Variants in XPR1 observed in about 807,000 individuals in gnomAD.
XPR1 encodes solute carrier family 53 member 1.
In XPR1, 28 loss-of-function variants were observed where a neutral mutation model predicts 87.5. The observed-to-expected ratio is 0.32, with a 90% CI of 0.24 to 0.44. The LOEUF (loss-of-function observed/expected upper bound fraction) is 0.44, where lower values mean the gene tolerates loss of function less well. Among genes scored for constraint, XPR1 ranks in the 20% least tolerant of loss-of-function variants. The probability of loss-of-function intolerance (pLI) is 1.00; values close to 1 mark genes in which losing one functional copy is unlikely to be tolerated. For synonymous variants in XPR1, 300 were observed against 306.1 expected (o/e 0.98, Z 0.21); for missense variants, 559 against 862.3 (o/e 0.65, Z 4.41).
chr1:180,712,892 T>C (rs559780111), intron 2 of XPR1, among the ~76,000 whole-genome samples: 1 of 151,560 alleles, frequency 6.6e-6, no homozygotes, highest in Admixed American at 6.6e-5. Context: ...ACTATAGCTT[T>C]AGTAATAGTC....
chr1:180,733,479 G>A (rs1178237083), intron 2 of XPR1, among the ~76,000 whole-genome samples: 1 of 152,180 alleles, frequency 6.6e-6, no homozygotes, highest in East Asian at 1.9e-4. Flanking sequence ...GATACAGAGG[G>A]TAAAAAGCAC....
At chr1:180,806,237 C>A in intron 5 of XPR1, 26 bp downstream of exon 5, 15 of 1,602,160 alleles carry the variant, frequency 9.4e-6, no homozygotes, top group Non-Finnish European at 1.2e-5. Flanking sequence ...TTATTTACAA[C>A]GTATTTTCAG....
At chr1:180,858,334 A>G (rs1652102518) in intron 11 of XPR1, among the ~76,000 whole-genome samples, 2 of 152,356 alleles carry the variant, frequency 1.3e-5, no homozygotes, top group Non-Finnish European at 2.9e-5. Flanking sequence ...TACTTCCCTC[A>G]TCTGAGATAA....
At chr1:180,856,038 C>G (rs1652016973) in intron 11 of XPR1, among the ~76,000 whole-genome samples, 2 of 152,124 alleles carry the variant, frequency 1.3e-5, no homozygotes, top group African/African-American at 4.8e-5. Context: ...TAAGAGTCCC[C>G]TACTCTAAAA....
At chr1:180,714,595 G>C (rs1371654065) in intron 2 of XPR1, among the ~76,000 whole-genome samples, 1 of 152,006 alleles carries the variant, frequency 6.6e-6, no homozygotes, top group Non-Finnish European at 1.5e-5. Context: ...TGTAGAGACA[G>C]GGTCTCACTA....
In XPR1 at chr1:180,835,010, A is replaced by G. The variant is rs1651229688; in HGVS notation, c.1271A>G (p.Asp424Gly). The G allele has an allele frequency of 9.3e-6, 15 of 1,614,004 alleles. No individual in the cohort carries two copies. Among genetic ancestry groups the G allele is most frequent in the African/African-American group, 1.3e-5 (1 of 74,916 alleles). The change falls in exon 10 of 15, where the codon GAT becomes GGT. Residue 424 changes from aspartate (D) to glycine (G), a missense_variant. Physicochemically the swap from Asp to Gly is moderately conservative, Grantham distance 94. Coordinates refer to ENST00000367590, the MANE Select transcript of XPR1 (RefSeq NM_004736.4). ...ICFYSLELKW[D>G]ESKGLLPNNS... ...TTCTACAGTTTGGAGCTCAAATGGG[A>G]TGAAAGTAAGGGCCTGTTGCCAAAT...
intron 7 of XPR1, among the ~76,000 whole-genome samples, chr1:180,814,565 G>C (rs559016294): frequency 6.6e-6 from 1 of 152,140 alleles, no homozygotes; most frequent in South Asian, 2.1e-4. Context: ...AAATTTGCAG[G>C]GTTGTTTAGG....
intron 13 of XPR1, among the ~76,000 whole-genome samples, chr1:180,876,364 G>A (rs987290830): frequency 7.2e-5 from 11 of 152,176 alleles, no homozygotes; most frequent in Admixed American, 1.3e-4. Flanking sequence ...GGCCAGGCAC[G>A]GTGGTTCACA....
At chr1:180,797,472 C>T (rs1649629603) in intron 3 of XPR1, among the ~76,000 whole-genome samples, 1 of 152,182 alleles carries the variant, frequency 6.6e-6, no homozygotes, top group Non-Finnish European at 1.5e-5. Flanking sequence ...ATTGTTGGCA[C>T]ACAGGAAGTA....
intron 11 of XPR1, among the ~76,000 whole-genome samples, chr1:180,842,638 C>T (rs1426809021): frequency 3.9e-5 from 6 of 152,072 alleles, no homozygotes; most frequent in Non-Finnish European, 8.8e-5. Flanking sequence ...GAGGCACAAA[C>T]GTGTTTTAAA....
intron 2 of XPR1, among the ~76,000 whole-genome samples, chr1:180,696,165 G>GGTGT (rs59249501): frequency 0.016 from 1,696 of 102,810 alleles, 28 homozygotes; most frequent in African/African-American, 0.023. Flanking sequence ...TTTATTCCTG[G>GGTGT]GTGTGTGTGT....
chr1:180,720,107 G>C (rs1658132327), intron 2 of XPR1, among the ~76,000 whole-genome samples: 1 of 152,190 alleles, frequency 6.6e-6, no homozygotes, highest in South Asian at 2.1e-4. Context: ...GAAAAGCAGG[G>C]AGCAGGGCCG....
chr1:180,837,457 T>A (rs954731992), intron 11 of XPR1, among the ~76,000 whole-genome samples: 4 of 151,452 alleles, frequency 2.6e-5, no homozygotes, highest in Non-Finnish European at 5.9e-5. Flanking sequence ...CTTTGCAAAA[T>A]TTTTTTTCAG....
chr1:180,643,569 C>T (rs1182210867), intron 1 of XPR1, among the ~76,000 whole-genome samples: 2 of 152,162 alleles, frequency 1.3e-5, no homozygotes. Flanking sequence ...AATGAATTAT[C>T]TCATGTGATC....
chr1:180,862,719 A>G (rs1471200186), intron 11 of XPR1, among the ~76,000 whole-genome samples: 5 of 152,152 alleles, frequency 3.3e-5, no homozygotes, highest in Non-Finnish European at 1.5e-5. Flanking sequence ...TGGTTAATGA[A>G]CACTTGCTTA....
chr1:180,865,627 C>T (rs1213060098), intron 12 of XPR1, among the ~76,000 whole-genome samples: 1 of 152,102 alleles, frequency 6.6e-6, no homozygotes, highest in Non-Finnish European at 1.5e-5. Context: ...GTCTCAGTCT[C>T]CTGACCTCAT....
chr1:180,740,148 C>G (rs1658868500), intron 2 of XPR1, among the ~76,000 whole-genome samples: 1 of 152,106 alleles, frequency 6.6e-6, no homozygotes, highest in South Asian at 2.1e-4. Flanking sequence ...CCTTTTCAAA[C>G]TGTATGCTTT....
chr1:180,658,796 C>T (rs185065671), intron 1 of XPR1, among the ~76,000 whole-genome samples: 2 of 151,438 alleles, frequency 1.3e-5, no homozygotes, highest in Non-Finnish European at 2.9e-5. Flanking sequence ...GTCTCAATCT[C>T]CTGACCTCGT....
intron 11 of XPR1, among the ~76,000 whole-genome samples, chr1:180,840,663 C>T (rs973043426): frequency 6.7e-6 from 1 of 148,508 alleles, no homozygotes; most frequent in Non-Finnish European, 1.5e-5. Flanking sequence ...TTAGATGGAC[C>T]GTTGGTTATA....
Sources: allele counts gnomAD v4.1 joint callset (sites outside exome capture counted in the v4.1 genomes callset), GRCh38; gene constraint gnomAD v4.1.1; transcripts MANE v1.5; gene names NCBI Gene and HGNC (gene_info 2026-07-23, HGNC 2026-07-21).